Variants in FOXN3 observed in about 807,000 individuals in gnomAD.
FOXN3 encodes forkhead box protein N3.
Under a neutral mutation model 38.4 loss-of-function variants are expected in FOXN3, and 7 were observed. That is an observed-to-expected ratio of 0.18 (90% CI 0.10 to 0.34). FOXN3 has a LOEUF of 0.34. FOXN3 is among the 10% of genes least tolerant of loss of function. The probability of loss-of-function intolerance (pLI) is 1.00; values close to 1 mark genes in which losing one functional copy is unlikely to be tolerated. For missense variants in FOXN3, 456 were observed against 613.4 expected (o/e 0.74, Z 2.71); for synonymous variants, 230 against 242.2 (o/e 0.95, Z 0.47).
At chr14:89,197,823 T>C (rs1474391592) in intron 4 of FOXN3, among the ~76,000 whole-genome samples, 1 of 152,174 alleles carries the variant, frequency 6.6e-6, no homozygotes, top group African/African-American at 2.4e-5. Flanking sequence ...TCTGAAGTGT[T>C]TGAAAGGCGA....
intron 1 of FOXN3, among the ~76,000 whole-genome samples, chr14:89,542,585 T>G (rs1894812574): frequency 6.6e-6 from 1 of 152,212 alleles, no homozygotes; most frequent in Admixed American, 6.5e-5. Flanking sequence ...AACCACAAAC[T>G]ACTTTCTGCA....
At chr14:89,540,472 C>T (rs973086626) in intron 1 of FOXN3, among the ~76,000 whole-genome samples, 1 of 152,154 alleles carries the variant, frequency 6.6e-6, no homozygotes, top group East Asian at 1.9e-4. Context: ...CGGTGACTCA[C>T]GCCTGTAATC....
intron 1 of FOXN3, among the ~76,000 whole-genome samples, chr14:89,544,559 G>A (rs181657290): frequency 9.9e-5 from 15 of 152,150 alleles, no homozygotes; most frequent in Admixed American, 6.5e-5. Context: ...ACAGAGAAAG[G>A]TAAGACCTTG....
At position 89,308,887 on chromosome 14, in the gene FOXN3, T is replaced by C. The variant is rs529791684; in HGVS notation, c.681-27873A>G. On this transcript the variant is annotated intron_variant, in intron 3 of 5. Coordinates refer to ENST00000557258, the MANE Select transcript of FOXN3 (RefSeq NM_005197.4). ...AGGGGAGCCTGGTTCCTGCAGAGGC[T>C]AATGGAACCCAGGCAGAGGAGGACA... 9.2e-5 allele frequency among the ~76,000 whole-genome samples: 14 copies of C among 152,232 alleles called. No homozygotes were observed. The South Asian group carries it at 2.9e-3, about 32-fold the overall frequency.
In FOXN3 at chr14:89,569,335, T is replaced by TGCCCATCTAAG. The variant is rs1336573889; in HGVS notation, c.-15+49692_-15+49693insCTTAGATGGGC. 8.5e-5 allele frequency among the ~76,000 whole-genome samples: 13 copies of TGCCCATCTAAG among 152,298 alleles called. 1 individual carries two copies. The Middle Eastern group carries it at 0.031, about 359-fold the overall frequency. ...GGGAAAGTAGTATTTAATACGTAGG[T>TGCCCATCTAAG]AGTGGAAAGTGACCTTGGGTGAGCA... is the stretch of plus-strand genomic sequence containing the variant. On this transcript the variant is annotated intron_variant, in intron 1 of 6. Transcript: ENST00000345097.
At chr14:89,370,501 C>G (rs747164711) in intron 2 of FOXN3, among the ~76,000 whole-genome samples, 1 of 152,358 alleles carries the variant, frequency 6.6e-6, no homozygotes, top group Non-Finnish European at 1.5e-5. Flanking sequence ...CACACAGAAT[C>G]CCAAAGAGTG....
At chr14:89,465,527 A>G (rs1027648323) in intron 1 of FOXN3, among the ~76,000 whole-genome samples, 1 of 152,164 alleles carries the variant, frequency 6.6e-6, no homozygotes, top group Non-Finnish European at 1.5e-5. Flanking sequence ...TAGCTTGAGT[A>G]TGTCTTTATT....
chr14:89,432,024 C>CT (rs934903923), intron 1 of FOXN3, among the ~76,000 whole-genome samples: 3 of 152,010 alleles, frequency 2.0e-5, no homozygotes, highest in Non-Finnish European at 4.4e-5. Context: ...TGTGTTGTTG[C>CT]TTTTTTATAA....
At chr14:89,489,048 G>A (rs1893514816) in intron 1 of FOXN3, among the ~76,000 whole-genome samples, 1 of 152,102 alleles carries the variant, frequency 6.6e-6, no homozygotes, top group South Asian at 2.1e-4. Flanking sequence ...GGTGAACAAG[G>A]GGGTACTGAA....
chr14:89,341,034 G>A (rs1481303943), intron 3 of FOXN3, among the ~76,000 whole-genome samples: 2 of 152,054 alleles, frequency 1.3e-5, no homozygotes, highest in African/African-American at 2.4e-5. Flanking sequence ...GATATGCCTC[G>A]ACTGTCATGG....
intron 1 of FOXN3, among the ~76,000 whole-genome samples, chr14:89,450,524 AG>A (rs1892593668): frequency 6.6e-6 from 1 of 152,096 alleles, no homozygotes; most frequent in Non-Finnish European, 1.5e-5. Context: ...AACGAGGGGC[AG>A]GAATAGCTCT....
At chr14:89,263,165 T>C (rs529068413) in intron 4 of FOXN3, among the ~76,000 whole-genome samples, 2 of 152,332 alleles carry the variant, frequency 1.3e-5, no homozygotes, top group South Asian at 4.1e-4. Flanking sequence ...CATCAAGATA[T>C]TATGGTGGAA....
At chr14:89,599,435 T>C (rs574638810) in intron 1 of FOXN3, among the ~76,000 whole-genome samples, 1 of 152,372 alleles carries the variant, frequency 6.6e-6, no homozygotes, top group Non-Finnish European at 1.5e-5. Context: ...CAATTTTCAG[T>C]TCTCTGGCAG....
At chr14:89,374,892 G>A (rs1315959797) in intron 2 of FOXN3, among the ~76,000 whole-genome samples, 5 of 151,672 alleles carry the variant, frequency 3.3e-5, no homozygotes, top group South Asian at 4.2e-4. Context: ...CAGGGGAATC[G>A]CTTGAATACA....
intron 4 of FOXN3, among the ~76,000 whole-genome samples, chr14:89,274,287 T>G (rs972946024): frequency 7.2e-5 from 11 of 152,090 alleles, no homozygotes; most frequent in Non-Finnish European, 1.5e-4. Context: ...ATGGAAATCA[T>G]GAGAAAGGAA....
chr14:89,200,348 C>A (rs76834627), intron 4 of FOXN3, among the ~76,000 whole-genome samples: 2,207 of 152,322 alleles, frequency 0.014, 63 homozygotes, highest in African/African-American at 0.05. Flanking sequence ...TATTACCCCT[C>A]ATTTCACTTA....
intron 2 of FOXN3, among the ~76,000 whole-genome samples, chr14:89,387,937 C>T (rs1002108386): frequency 1.3e-5 from 2 of 152,238 alleles, no homozygotes; most frequent in African/African-American, 4.8e-5. Context: ...AATCCCAGCA[C>T]TTGGGGCAGC....
At chr14:89,480,851 C>T (rs141321893) in intron 1 of FOXN3, among the ~76,000 whole-genome samples, 7 of 152,086 alleles carry the variant, frequency 4.6e-5, no homozygotes, top group Non-Finnish European at 1.0e-4. Context: ...TTTCTTTGTA[C>T]GTTTAGAAAC....
At chr14:89,560,036 CA>C (rs2139877497) in intron 1 of FOXN3, among the ~76,000 whole-genome samples, 1 of 152,274 alleles carries the variant, frequency 6.6e-6, no homozygotes, top group South Asian at 2.1e-4. Context: ...CTCAGTTTGA[CA>C]GGCTGAACAG....
Sources: allele counts gnomAD v4.1 joint callset (sites outside exome capture counted in the v4.1 genomes callset), GRCh38; gene constraint gnomAD v4.1.1; transcripts MANE v1.5; gene names NCBI Gene and HGNC (gene_info 2026-07-23, HGNC 2026-07-21).